The following COL6A6 variants were observed in gnomAD, a reference collection of about 807,000 sequenced individuals.
COL6A6 encodes collagen alpha-6(VI) chain.
Under a neutral mutation model 208.6 loss-of-function variants are expected in COL6A6, and 183 were observed. The observed-to-expected ratio is 0.88, with a 90% CI of 0.78 to 0.99. The LOEUF (loss-of-function observed/expected upper bound fraction) is 0.99, where lower values mean the gene tolerates loss of function less well. Among genes scored for constraint, COL6A6 ranks in the 50% least tolerant of loss-of-function variants. COL6A6 has a pLI of 0.00. For missense variants in COL6A6, 2,816 were observed against 2,815.2 expected, an observed-to-expected ratio of 1.00 and a Z score of -0.01; for synonymous variants, 973 against 1,011.8, an observed-to-expected ratio of 0.96 and a Z score of 0.73.
intron 36 of COL6A6, among the ~76,000 whole-genome samples, chr3:130,669,909 A>G (rs2066170147): frequency 6.6e-6 from 1 of 152,240 alleles, no homozygotes; most frequent in African/African-American, 2.4e-5. Flanking sequence ...GCCACCAACC[A>G]CAATCAAATG....
At chr3:130,574,552 G>A (rs766741203) in intron 8 of COL6A6, 27 bp downstream of exon 8, 26 of 1,565,904 alleles carry the variant, frequency 1.7e-5, no homozygotes, top group Admixed American at 5.0e-5. Flanking sequence ...TTCTTCATTC[G>A]ATTCCCTACA....
At chr3:130,550,077 G>A (rs2062608879) in intron 1 of COL6A6, among the ~76,000 whole-genome samples, 1 of 152,060 alleles carries the variant, frequency 6.6e-6, no homozygotes, top group Non-Finnish European at 1.5e-5. Context: ...TAATGCGAGT[G>A]GGATCATGTT....
chr3:130,541,906 G>A (rs1483357404), intron 1 of COL6A6, among the ~76,000 whole-genome samples: 1 of 152,152 alleles, frequency 6.6e-6, no homozygotes, highest in Non-Finnish European at 1.5e-5. Flanking sequence ...GTCTTTCAAG[G>A]AATTGGTCCA....
intron 23 of COL6A6, among the ~76,000 whole-genome samples, chr3:130,616,704 G>A (rs966369041): frequency 1.3e-5 from 2 of 152,140 alleles, no homozygotes; most frequent in African/African-American, 2.4e-5. Flanking sequence ...GTTCAATGCA[G>A]TTTGGAGTCC....
rs1421844508 is a variant in COL6A6 at position 130,675,993 on chromosome 3, C to T, written c.*596C>T. On this transcript the variant is annotated 3_prime_UTR_variant, in exon 37 of 37. Transcript: ENST00000358511. ...AAATCCTCCTGAACTCACTGAAAAA[C>T]TCATTAATTCCCGCAGAACATAAAT... is the stretch of plus-strand genomic sequence containing the variant. 1 of 152,136 alleles carries T rather than the reference C, an allele frequency of 6.6e-6. No individual in the cohort carries two copies. The highest frequency in any genetic ancestry group is 2.4e-5 in the African/African-American group (1 of 41,428). 9.4% of individuals were successfully genotyped at this position (152,136 alleles called of 1,614,324 possible).
In COL6A6 at chr3:130,581,719, C is replaced by T. The variant is rs1222610033; in HGVS notation, c.3706C>T (p.Gln1236Ter). ...GVSCEVGTET[Q>*]VSVAFQVTNA... ...AAGCTGTGAGGTGGGCACAGAGACT[C>T]AGGTCAGTGTGGCTTTTCAAGTGAC... Residue 1236 changes from glutamine (Q) to a stop codon, truncating the protein, a stop_gained, in exon 9 of 37, where the codon CAG (glutamine) becomes TAG (stop). Coordinates refer to ENST00000358511, the MANE Select transcript of COL6A6 (RefSeq NM_001102608.3). LOFTEE classifies it high-confidence loss of function. 2 of 1,613,852 alleles carry T rather than the reference C, an allele frequency of 1.2e-6. No homozygotes were observed. The highest frequency in any genetic ancestry group is 2.7e-5 in the African/African-American group (2 of 74,932).
chr3:130,606,787 G>C, intron 20 of COL6A6, 144 bp from the exon 21 acceptor site: 2 of 539,482 alleles, frequency 3.7e-6, no homozygotes. Context: ...TTGCTTTCAT[G>C]GTACAGTGGA....
intron 33 of COL6A6, 45 bp downstream of exon 33, chr3:130,649,607 C>T (rs1202484163): frequency 6.7e-7 from 1 of 1,496,414 alleles, no homozygotes; most frequent in Admixed American, 2.1e-5. Context: ...ACTTATCTTG[C>T]CTGTATTCAG....
In COL6A6 at chr3:130,649,254, G is replaced by T; in HGVS notation, c.5425G>T (p.Ala1809Ser). Residue 1809 changes from alanine (A) to serine (S), a missense_variant, in exon 33 of 37, where the codon GCC (alanine) becomes TCC (serine). Physicochemically the swap from Ala to Ser is moderately conservative, Grantham distance 99. Transcript: ENST00000358511. ...CGCCATCCTCTCCTATAACTCCCAC[G>T]CCAGGCACCTTGTGCGCTTCTCAGA... The part of the protein sequence containing the change: ...HIAILSYNSH[A>S]RHLVRFSDAY... 1 of 1,597,350 alleles carries T rather than the reference G, an allele frequency of 6.3e-7. No individual in the cohort carries two copies. Among genetic ancestry groups the T allele is most frequent in the Non-Finnish European group, 8.5e-7 (1 of 1,172,132 alleles).
intron 31 of COL6A6, among the ~76,000 whole-genome samples, chr3:130,644,693 A>C (rs1219510300): frequency 6.6e-6 from 1 of 151,870 alleles, no homozygotes; most frequent in East Asian, 1.9e-4. Context: ...AATTCAGCGC[A>C]CCTCCCTGCA....
intron 1 of COL6A6, among the ~76,000 whole-genome samples, chr3:130,542,913 T>C (rs1166937598): frequency 6.7e-6 from 1 of 148,988 alleles, no homozygotes; most frequent in Non-Finnish European, 1.5e-5. Flanking sequence ...TTTTTTTTTT[T>C]TTTTTTTTTT....
intron 36 of COL6A6, among the ~76,000 whole-genome samples, chr3:130,667,312 T>C (rs1020450213): frequency 4.6e-5 from 7 of 152,132 alleles, no homozygotes; most frequent in African/African-American, 7.2e-5. Flanking sequence ...TCTCAGCTCA[T>C]TGCAACTTCC....
intron 36 of COL6A6, among the ~76,000 whole-genome samples, chr3:130,672,138 T>G (rs1199893927): frequency 2.0e-5 from 3 of 152,238 alleles, no homozygotes; most frequent in Admixed American, 6.5e-5. Flanking sequence ...AACTAATAGA[T>G]GTAGCATGGC....
chr3:130,643,271 A>AT (rs1174822771), intron 31 of COL6A6, among the ~76,000 whole-genome samples: 1 of 152,210 alleles, frequency 6.6e-6, no homozygotes, highest in African/African-American at 2.4e-5. Context: ...GAAAATTGAG[A>AT]TTTGATGTCT....
rs563331012 is a variant in COL6A6, at chr3:130,533,318, A to G, written c.-32+15921A>G. ...AGGTGCTCCACCTAATTTAATAACAATGGATTTCATCACTTCGTCACCTCC... is the reference window on the plus strand; with the variant it reads ...AGGTGCTCCACCTAATTTAATAACAGTGGATTTCATCACTTCGTCACCTCC... On this transcript the variant is annotated intron_variant, in intron 1 of 36. Coordinates refer to ENST00000358511, the MANE Select transcript of COL6A6 (RefSeq NM_001102608.3). Among the ~76,000 whole-genome samples the G allele has an allele frequency of 7.9e-5, 12 of 151,350 alleles. 1 individual carries two copies. In the South Asian group the frequency reaches 1.9e-3, roughly 24 times the overall value.
chr3:130,525,270 A>G (rs2107678219), intron 1 of COL6A6, among the ~76,000 whole-genome samples: 1 of 152,324 alleles, frequency 6.6e-6, no homozygotes, highest in East Asian at 1.9e-4. Flanking sequence ...AGATTCCTGG[A>G]TGCTCGGAAT....
intron 36 of COL6A6, among the ~76,000 whole-genome samples, chr3:130,674,957 T>C (rs2066322121): frequency 6.6e-6 from 1 of 152,188 alleles, no homozygotes; most frequent in South Asian, 2.1e-4. Context: ...AAATGAGTGG[T>C]ACATATTCCA....
rs73868908 is a variant in COL6A6 at position 130,557,636 on chromosome 3, A to G, written c.-31-2698A>G. On this transcript the variant is annotated intron_variant, in intron 1 of 36. Coordinates refer to ENST00000358511, the MANE Select transcript of COL6A6 (RefSeq NM_001102608.3). ...AGTACTTAAAAATGATGTATCCTGC[A>G]TACCTTATTTTAAAGGAAGAATATT... Among the ~76,000 whole-genome samples the G allele has an allele frequency of 5.1e-3, 773 of 152,368 alleles. 12 individuals are homozygous for G. The highest frequency in any genetic ancestry group is 0.017 in the African/African-American group (718 of 41,590).
chr3:130,609,328 A>T (rs1402770489), intron 22 of COL6A6, among the ~76,000 whole-genome samples: 1 of 152,214 alleles, frequency 6.6e-6, no homozygotes, highest in African/African-American at 2.4e-5. Flanking sequence ...CTTGGTGCTC[A>T]TGATGTAGAA....
Sources: allele counts gnomAD v4.1 joint callset (sites outside exome capture counted in the v4.1 genomes callset), GRCh38; gene constraint gnomAD v4.1.1; transcripts MANE v1.5; gene names NCBI Gene and HGNC (gene_info 2026-07-23, HGNC 2026-07-21).